The following PCBP3 variants were observed in gnomAD, a reference collection of about 807,000 sequenced individuals.
The protein encoded by PCBP3 is poly(rC)-binding protein 3.
A neutral mutation model predicts 52.7 loss-of-function variants in PCBP3; 25 were observed. The observed-to-expected ratio is 0.47, with a 90% CI of 0.35 to 0.66. The LOEUF is 0.66. Among genes scored for constraint, PCBP3 ranks in the 30% least tolerant of loss-of-function variants. The pLI, the probability that PCBP3 is intolerant of heterozygous loss-of-function variation, is 0.01. For missense variants in PCBP3, 391 were observed against 490.3 expected (o/e 0.80, Z 1.91); for synonymous variants, 162 against 183.0 (o/e 0.89, Z 0.93).
intron 2 of PCBP3, among the ~76,000 whole-genome samples, chr21:45,669,805 GTATATATATATATATATATATATA>G (rs773020402): frequency 1.6e-4 from 8 of 49,724 alleles, no homozygotes; most frequent in East Asian, 6.9e-4. Flanking sequence ...GTGTGTGTGT[GTATATATATATATATATATATATA>G]TATATATATA....
intron 4 of PCBP3, among the ~76,000 whole-genome samples, chr21:45,846,894 G>A (rs891202906): frequency 6.6e-6 from 1 of 152,178 alleles, no homozygotes; most frequent in Non-Finnish European, 1.5e-5. Flanking sequence ...CTTGGCAATT[G>A]TCATGTCTCT....
chr21:45,939,265 A>G (rs2077198581), intron 16 of PCBP3, among the ~76,000 whole-genome samples: 2 of 152,288 alleles, frequency 1.3e-5, no homozygotes, highest in South Asian at 4.1e-4. Context: ...CGTTCCATCC[A>G]ATGGTGGGCA....
intron 4 of PCBP3, among the ~76,000 whole-genome samples, chr21:45,765,623 G>A (rs1289627603): frequency 4.6e-5 from 7 of 152,208 alleles, no homozygotes; most frequent in East Asian, 1.9e-4. Context: ...TGCCAGCGCG[G>A]CTCTTCCATT....
At chr21:45,927,298 C>CT (rs2075565236) in intron 13 of PCBP3, among the ~76,000 whole-genome samples, 1 of 115,768 alleles carries the variant, frequency 8.6e-6, no homozygotes, top group African/African-American at 3.4e-5. Flanking sequence ...TCCCCCTCCT[C>CT]CCTCCCCTCC....
chr21:45,910,402 G>A (rs1410296488), intron 10 of PCBP3, among the ~76,000 whole-genome samples: 1 of 151,858 alleles, frequency 6.6e-6, no homozygotes, highest in African/African-American at 2.4e-5. Flanking sequence ...GGCACCTGGA[G>A]ACAGCCCTGA....
Position 45,802,442 on chromosome 21 carries a change from A to G in PCBP3, c.-126+46990A>G, listed in dbSNP as rs1228661524. On this transcript the variant is annotated intron_variant, in intron 4 of 17. Coordinates refer to ENST00000681687, the MANE Select transcript of PCBP3 (RefSeq NM_001384156.1). This position sits in a 1 kb window ranked among gnomAD's most constrained non-coding sequence, Gnocchi z 5.1. ...AAACAATTGTACTTACTGAGTGCCT[A>G]CGTTGTCCTGTGCCCGGGCTGCCCA... Among the ~76,000 whole-genome samples the G allele has an allele frequency of 6.6e-6, 1 of 151,974 alleles. No individual in the cohort carries two copies. Among genetic ancestry groups the G allele is most frequent in the African/African-American group, 2.4e-5 (1 of 41,394 alleles).
At chr21:45,908,833 C>T (rs144576991) in intron 9 of PCBP3, among the ~76,000 whole-genome samples, 1,748 of 152,218 alleles carry the variant, frequency 0.011, 16 homozygotes, top group Non-Finnish European at 0.018. Flanking sequence ...GCACAGGCCG[C>T]CCCCCACCTC....
chr21:45,661,999 G>A (rs575355782), intron 1 of PCBP3, among the ~76,000 whole-genome samples: 1 of 151,536 alleles, frequency 6.6e-6, no homozygotes, highest in South Asian at 2.1e-4. Flanking sequence ...TTTTCTTGTC[G>A]AGTTGTTTGA....
chr21:45,750,689 G>A (rs868223291), intron 3 of PCBP3: 1 of 152,082 alleles, frequency 6.6e-6, no homozygotes, highest in Non-Finnish European at 1.5e-5. Flanking sequence ...ACCCAGCCCT[G>A]GAGTCCACCA....
intron 1 of PCBP3, among the ~76,000 whole-genome samples, chr21:45,648,096 C>T (rs187917309): frequency 9.2e-5 from 14 of 152,316 alleles, no homozygotes; most frequent in African/African-American, 3.4e-4. Context: ...ATTCTGTCCC[C>T]TAGAGACTTG....
At chr21:45,908,064 A>T (rs895654960) in intron 9 of PCBP3, among the ~76,000 whole-genome samples, 1 of 152,138 alleles carries the variant, frequency 6.6e-6, no homozygotes, top group African/African-American at 2.4e-5. Flanking sequence ...AAAAAATCTT[A>T]TTATCTTTCT....
chr21:45,720,812 A>C (rs2084576689), intron 2 of PCBP3, among the ~76,000 whole-genome samples: 1 of 152,198 alleles, frequency 6.6e-6, no homozygotes, highest in Admixed American at 6.5e-5. Context: ...CATGTTTTAG[A>C]CCAGTTAGTC....
intron 4 of PCBP3, among the ~76,000 whole-genome samples, chr21:45,823,118 A>G (rs2839010): frequency 0.52 from 79,012 of 152,098 alleles, 21,677 homozygotes; most frequent in East Asian, 0.8. Flanking sequence ...ACTCACATTG[A>G]CGTAGTGGGT....
intron 4 of PCBP3, chr21:45,761,303 C>T (rs2088633372): frequency 6.6e-6 from 1 of 152,216 alleles, no homozygotes; most frequent in Non-Finnish European, 1.5e-5. Context: ...TCTTTCCGCT[C>T]CATGGTCATT....
In PCBP3 at chr21:45,686,472, C is replaced by T. The variant is rs117613599; in HGVS notation, c.-200+17520C>T. 5.8e-3 allele frequency among the ~76,000 whole-genome samples: 876 copies of T among 152,236 alleles called. 3 individuals are homozygous for T. Among genetic ancestry groups the T allele is most frequent in the Non-Finnish European group, 9.6e-3 (656 of 68,018 alleles). On this transcript the variant is annotated intron_variant, in intron 2 of 17. Coordinates refer to ENST00000681687, the MANE Select transcript of PCBP3 (RefSeq NM_001384156.1). ...AGTCTACTATTCTTTTAAAAAATAA[C>T]GACAAAATCCAGACACTTAATGTAA...
At position 45,909,461 on chromosome 21, in the gene PCBP3, G is replaced by T; in HGVS notation, c.446G>T (p.Gly149Val). ...SQCGSLIGKG[G>V]SKIKEIREST... ...TGTGGGTCCCTGATCGGCAAAGGAGGCTCCAAGATCAAGGAGATCAGGGAG... is the reference window on the plus strand; with the variant it reads ...TGTGGGTCCCTGATCGGCAAAGGAGTCTCCAAGATCAAGGAGATCAGGGAG... The change falls in exon 10 of 18, where the codon GGC becomes GTC. Residue 149 changes from glycine to valine, a missense_variant. Gly to Val is a moderately radical substitution (Grantham distance 109). Coordinates refer to ENST00000681687, the MANE Select transcript of PCBP3 (RefSeq NM_001384156.1). 6.2e-7 allele frequency: 1 copy of T among 1,613,234 alleles called. No individual in the cohort carries two copies. The highest frequency in any genetic ancestry group is 8.5e-7 in the Non-Finnish European group (1 of 1,179,698).
intron 4 of PCBP3, among the ~76,000 whole-genome samples, chr21:45,812,431 A>T (rs1368990353): frequency 6.6e-6 from 1 of 152,092 alleles, no homozygotes; most frequent in Non-Finnish European, 1.5e-5. Context: ...TTTGAGATGG[A>T]GTCTTGCTCT....
At chr21:45,779,171 T>A (rs759170833) in intron 4 of PCBP3, among the ~76,000 whole-genome samples, 2 of 152,258 alleles carry the variant, frequency 1.3e-5, no homozygotes, top group Non-Finnish European at 2.9e-5. Context: ...TTGAAAATGG[T>A]GCCTTGCTGT....
intron 9 of PCBP3, among the ~76,000 whole-genome samples, chr21:45,903,253 T>C (rs2096112949): frequency 6.6e-6 from 1 of 152,114 alleles, no homozygotes; most frequent in Non-Finnish European, 1.5e-5. Flanking sequence ...CCTGTTTTAG[T>C]TTCTCCCTCG....
Sources: allele counts gnomAD v4.1 joint callset (sites outside exome capture counted in the v4.1 genomes callset), GRCh38; gene constraint gnomAD v4.1.1; non-coding constraint Gnocchi (gnomAD v3.1); transcripts MANE v1.5; gene names NCBI Gene and HGNC (gene_info 2026-07-23, HGNC 2026-07-21).